MOB3B: variants seen among roughly 807,000 people sequenced by gnomAD.
MOB3B encodes the protein MOB kinase activator 3B, also known as MOB kinase activator-like 2B.
Under a neutral mutation model 18.7 loss-of-function variants are expected in MOB3B, and 7 were observed. The ratio of observed to expected loss-of-function variants is 0.37; its 90% CI spans 0.21 to 0.70. MOB3B has a LOEUF of 0.70. Ranked by LOEUF, MOB3B falls within the 30% of genes least tolerant of loss-of-function variation. MOB3B has a pLI of 0.52. For missense variants in MOB3B, 253 were observed against 281.3 expected, an observed-to-expected ratio of 0.90 and a Z score of 0.72; for synonymous variants, 111 against 99.9, an observed-to-expected ratio of 1.11 and a Z score of -0.66.
At chr9:27,474,411 T>A (rs930182311) in intron 1 of MOB3B, among the ~76,000 whole-genome samples, 2 of 152,222 alleles carry the variant, frequency 1.3e-5, no homozygotes, top group African/African-American at 4.8e-5. Context: ...GGGCCCAAAC[T>A]GACTCCTTAT....
At chr9:27,359,743 T>G (rs1044554131) in intron 2 of MOB3B, among the ~76,000 whole-genome samples, 1 of 152,168 alleles carries the variant, frequency 6.6e-6, no homozygotes, top group African/African-American at 2.4e-5. Flanking sequence ...CCTTCGTCTC[T>G]TTGAGGAAGG....
chr9:27,366,925 T>A (rs540959108), intron 2 of MOB3B, among the ~76,000 whole-genome samples: 2 of 152,360 alleles, frequency 1.3e-5, no homozygotes, highest in East Asian at 3.9e-4. Context: ...CCCTGGCATC[T>A]GTTATTCTGC....
chr9:27,427,126 G>A (rs1822345971), intron 2 of MOB3B, among the ~76,000 whole-genome samples: 1 of 152,180 alleles, frequency 6.6e-6, no homozygotes, highest in South Asian at 2.1e-4. Context: ...TTGACTTCCT[G>A]CCTACCTGCA....
At chr9:27,357,900 A>C (rs1251094876) in intron 3 of MOB3B, among the ~76,000 whole-genome samples, 1 of 41,482 alleles carries the variant, frequency 2.4e-5, no homozygotes, top group Non-Finnish European at 5.5e-5. Flanking sequence ...AAAAAAAAAA[A>C]AAAAAAAAAA....
intron 2 of MOB3B, among the ~76,000 whole-genome samples, chr9:27,395,720 A>G (rs1221713503): frequency 6.6e-6 from 1 of 152,196 alleles, no homozygotes; most frequent in African/African-American, 2.4e-5. Flanking sequence ...ACTTGCTAAG[A>G]AAGGCAACAC....
chr9:27,366,624 C>T (rs1173305563), intron 2 of MOB3B, among the ~76,000 whole-genome samples: 1 of 152,198 alleles, frequency 6.6e-6, no homozygotes, highest in Non-Finnish European at 1.5e-5. Context: ...GTGTTCTGAG[C>T]TGGCTGTTAA....
chr9:27,506,330 C>T (rs1315220857), intron 1 of MOB3B, among the ~76,000 whole-genome samples: 1 of 152,206 alleles, frequency 6.6e-6, no homozygotes, highest in East Asian at 1.9e-4. Flanking sequence ...TCAACTACTA[C>T]TCACTTGAAC....
intron 1 of MOB3B, among the ~76,000 whole-genome samples, chr9:27,478,567 G>A (rs1306234892): frequency 1.3e-5 from 2 of 151,884 alleles, no homozygotes; most frequent in Admixed American, 6.6e-5. Flanking sequence ...ATGAAAGATG[G>A]GTCTAAAGAA....
At chr9:27,510,842 C>A (rs1820131142) in intron 1 of MOB3B, among the ~76,000 whole-genome samples, 1 of 152,224 alleles carries the variant, frequency 6.6e-6, no homozygotes, top group South Asian at 2.1e-4. Context: ...CAGTGGGGGT[C>A]AGGAGATACT....
intron 3 of MOB3B, among the ~76,000 whole-genome samples, chr9:27,349,040 CAT>C (rs1821070364): frequency 6.9e-6 from 1 of 145,752 alleles, no homozygotes; most frequent in African/African-American, 2.8e-5. Context: ...GAGCTATCTG[CAT>C]ATCTCTTTCT....
At chr9:27,355,856 TGAGTTGTATATATA>T (rs1821182117) in intron 3 of MOB3B, among the ~76,000 whole-genome samples, 1 of 152,248 alleles carries the variant, frequency 6.6e-6, no homozygotes, top group Admixed American at 6.5e-5. Context: ...CTGAGCAACT[TGAGTTGTATATATA>T]GAGTATCAAT....
At chr9:27,385,418 ACTGTATTCTGG>A (rs1230864612) in intron 2 of MOB3B, among the ~76,000 whole-genome samples, 2 of 152,082 alleles carry the variant, frequency 1.3e-5, no homozygotes, top group Admixed American at 1.3e-4. Flanking sequence ...TGGTTTTGAA[ACTGTATTCTGG>A]AGGTTTTACA....
chr9:27,400,263 T>C (rs185312328), intron 2 of MOB3B, among the ~76,000 whole-genome samples: 1 of 152,366 alleles, frequency 6.6e-6, no homozygotes, highest in East Asian at 1.9e-4. Context: ...TTATTGATTG[T>C]ATTGTTAATT....
intron 1 of MOB3B, among the ~76,000 whole-genome samples, chr9:27,466,948 A>T (rs1464714171): frequency 6.6e-6 from 1 of 152,208 alleles, no homozygotes; most frequent in African/African-American, 2.4e-5. Flanking sequence ...TGCCAGAAGG[A>T]TTAAGTCTGC....
At chr9:27,456,776 A>G (rs760348697) in intron 1 of MOB3B, among the ~76,000 whole-genome samples, 52 of 152,202 alleles carry the variant, frequency 3.4e-4, no homozygotes, top group Non-Finnish European at 6.0e-4. Context: ...GGTGTTGAAT[A>G]TGGTACACAC....
intron 1 of MOB3B, among the ~76,000 whole-genome samples, chr9:27,525,467 A>T (rs1820422944): frequency 6.6e-6 from 1 of 152,192 alleles, no homozygotes; most frequent in Admixed American, 6.5e-5. Context: ...AAAAAGGTTG[A>T]CATTTCTGGC....
intron 2 of MOB3B, among the ~76,000 whole-genome samples, chr9:27,425,352 G>A (rs534111486): frequency 9.2e-5 from 13 of 141,752 alleles, no homozygotes; most frequent in Admixed American, 6.4e-4. Flanking sequence ...TCCAGCCTGG[G>A]CAACAAGAGC....
intron 2 of MOB3B, among the ~76,000 whole-genome samples, chr9:27,442,456 C>T (rs186018341): frequency 2.2e-4 from 34 of 152,312 alleles, no homozygotes; most frequent in African/African-American, 6.3e-4. Flanking sequence ...CTCTCAGATC[C>T]GTTCTCTATC....
chr9:27,477,653 A>C (rs1819574807), intron 1 of MOB3B, among the ~76,000 whole-genome samples: 2 of 152,356 alleles, frequency 1.3e-5, no homozygotes, highest in East Asian at 1.9e-4. Flanking sequence ...ATCCTCTTTC[A>C]GTTCCAAAAT....
Sources: gnomAD v4.1 joint callset for allele counts (sites outside exome capture counted in the v4.1 genomes callset) on GRCh38, gnomAD v4.1.1 for gene constraint, MANE v1.5 for transcripts, NCBI Gene and HGNC (gene_info 2026-07-23, HGNC 2026-07-21) for gene names.